The following STAU2 variants were observed in gnomAD, a reference collection of about 807,000 sequenced individuals.
The protein encoded by STAU2 is staufen double-stranded RNA binding protein 2, also known as double-stranded RNA-binding protein Staufen homolog 2.
In STAU2, 20 loss-of-function variants were observed where a neutral mutation model predicts 65.9. The ratio of observed to expected loss-of-function variants is 0.30; its 90% CI spans 0.21 to 0.44. STAU2 has a LOEUF of 0.44. STAU2 is among the 20% of genes least tolerant of loss of function. STAU2 has a pLI of 1.00. For synonymous variants in STAU2, 232 were observed against 233.9 expected (o/e 0.99, Z 0.07); for missense variants, 558 against 683.9 (o/e 0.82, Z 2.05).
At chr8:73,626,074 TACACAC>T (rs57076627) in intron 6 of STAU2, among the ~76,000 whole-genome samples, 18 of 146,152 alleles carry the variant, frequency 1.2e-4, no homozygotes, top group East Asian at 4.0e-4. Context: ...TAAGTACACA[TACACAC>T]ACACACACAC....
chr8:73,693,027 G>C lies in STAU2; in HGVS notation c.115-4214C>G, dbSNP rs560689165. Among the ~76,000 whole-genome samples, 14 of 152,076 alleles carry C rather than the reference G, an allele frequency of 9.2e-5. No homozygotes were observed. In the East Asian group the frequency reaches 2.3e-3, roughly 25 times the overall value. On this transcript the variant is annotated intron_variant, in intron 4 of 14. Coordinates refer to ENST00000524300, the MANE Select transcript of STAU2 (RefSeq NM_001164380.2). ...ATGTAAAAAATTATCCAGGCATGGTGGTGCGCACCTATAGTCCCAGCTACT... is the reference window on the plus strand; with the variant it reads ...ATGTAAAAAATTATCCAGGCATGGTCGTGCGCACCTATAGTCCCAGCTACT...
At chr8:73,727,755 T>C (rs1423165195) in intron 3 of STAU2, 1 of 152,264 alleles carries the variant, frequency 6.6e-6, no homozygotes, top group Admixed American at 6.5e-5. Context: ...CTGGGTCATA[T>C]GACAAGTCTA....
At chr8:73,601,718 T>G (rs1811642213) in intron 10 of STAU2, among the ~76,000 whole-genome samples, 2 of 152,172 alleles carry the variant, frequency 1.3e-5, no homozygotes, top group South Asian at 4.1e-4. Flanking sequence ...CCCATTTGAC[T>G]AGAATGTTTA....
At chr8:73,432,932 C>G (rs1340908550) in intron 13 of STAU2, among the ~76,000 whole-genome samples, 1 of 152,178 alleles carries the variant, frequency 6.6e-6, no homozygotes, top group African/African-American at 2.4e-5. Context: ...GGTGTTTTCA[C>G]TCTAGAATTT....
chr8:73,531,261 T>C (rs1277843070), intron 13 of STAU2, among the ~76,000 whole-genome samples: 1 of 152,172 alleles, frequency 6.6e-6, no homozygotes, highest in Admixed American at 6.5e-5. Flanking sequence ...CACTGATGCA[T>C]TAGATTTTTA....
intron 13 of STAU2, among the ~76,000 whole-genome samples, chr8:73,502,331 CT>C (rs1328595115): frequency 1.3e-5 from 2 of 151,938 alleles, no homozygotes; most frequent in Non-Finnish European, 2.9e-5. Context: ...GATACATGTC[CT>C]ATACCAGTGC....
At chr8:73,421,614 C>T in intron 14 of STAU2, 149 bp from the exon 15 acceptor site, 1 of 692,838 alleles carries the variant, frequency 1.4e-6, no homozygotes, top group South Asian at 1.9e-5. Context: ...AGATAGTCTA[C>T]TGATGAGATC....
intron 13 of STAU2, among the ~76,000 whole-genome samples, chr8:73,515,773 C>CTTT (rs75132374): frequency 0.019 from 1,764 of 90,900 alleles, 198 homozygotes; most frequent in African/African-American, 0.057. Flanking sequence ...AAAAATTTCT[C>CTTT]TTTTTTTTTT....
At chr8:73,573,256 CACAA>C (rs1431973501) in intron 12 of STAU2, among the ~76,000 whole-genome samples, 1 of 152,124 alleles carries the variant, frequency 6.6e-6, no homozygotes, top group African/African-American at 2.4e-5. Flanking sequence ...TAAAAGAGGA[CACAA>C]ACAAATGGAA....
intron 12 of STAU2, among the ~76,000 whole-genome samples, chr8:73,571,007 C>A (rs1809039126): frequency 6.6e-6 from 1 of 152,006 alleles, no homozygotes; most frequent in African/African-American, 2.4e-5. Context: ...ACCCATCTCA[C>A]ATGCAGAGAC....
At chr8:73,638,498 TTC>T (rs1491562624) in intron 6 of STAU2, among the ~76,000 whole-genome samples, 8 of 141,206 alleles carry the variant, frequency 5.7e-5, no homozygotes, top group Non-Finnish European at 3.1e-5. Flanking sequence ...ATTTGAAATA[TTC>T]TTTTTTTTTT....
intron 9 of STAU2, among the ~76,000 whole-genome samples, chr8:73,607,785 T>C (rs1023825682): frequency 6.6e-6 from 1 of 152,038 alleles, no homozygotes; most frequent in Non-Finnish European, 1.5e-5. Context: ...ATTATCTTTC[T>C]GCATATGAAC....
At chr8:73,433,657 T>C (rs1029137129) in intron 13 of STAU2, among the ~76,000 whole-genome samples, 7 of 151,670 alleles carry the variant, frequency 4.6e-5, no homozygotes, top group African/African-American at 1.7e-4. Flanking sequence ...TGCATCACTA[T>C]GCCTGAGAAA....
chr8:73,635,409 A>T (rs1814415183), intron 6 of STAU2, among the ~76,000 whole-genome samples: 1 of 152,212 alleles, frequency 6.6e-6, no homozygotes, highest in Non-Finnish European at 1.5e-5. Flanking sequence ...ATTTGAAGGC[A>T]AGCCCATCTA....
At chr8:73,747,397 C>T (rs1563546415), upstream of STAU2, 2 of 1,535,420 alleles carry the variant, frequency 1.3e-6, no homozygotes, top group Non-Finnish European at 1.7e-6. Flanking sequence ...CTTTCCCAGG[C>T]TCTCCGGCTG....
intron 13 of STAU2, among the ~76,000 whole-genome samples, chr8:73,480,009 C>T (rs1048256760): frequency 1.3e-5 from 2 of 151,944 alleles, no homozygotes; most frequent in African/African-American, 4.8e-5. Flanking sequence ...GACATAGATG[C>T]TAGCAAAGTT....
At chr8:73,479,866 G>A (rs1464017669) in intron 13 of STAU2, among the ~76,000 whole-genome samples, 1 of 151,504 alleles carries the variant, frequency 6.6e-6, no homozygotes, top group Non-Finnish European at 1.5e-5. Flanking sequence ...AAAATGAATC[G>A]CTTCAGGAAA....
At chr8:73,661,560 A>C (rs1816836462) in intron 6 of STAU2, among the ~76,000 whole-genome samples, 1 of 152,196 alleles carries the variant, frequency 6.6e-6, no homozygotes, top group Non-Finnish European at 1.5e-5. Flanking sequence ...AATACAGAAC[A>C]TTTCTATCAC....
chr8:73,622,434 A>C (rs535329981), intron 6 of STAU2, among the ~76,000 whole-genome samples: 2 of 151,968 alleles, frequency 1.3e-5, no homozygotes, highest in Non-Finnish European at 2.9e-5. Flanking sequence ...CAGGTCTTTC[A>C]TATCTCTTTT....
Sources: gnomAD v4.1 joint callset for allele counts (sites outside exome capture counted in the v4.1 genomes callset) on GRCh38, gnomAD v4.1.1 for gene constraint, MANE v1.5 for transcripts, NCBI Gene and HGNC (gene_info 2026-07-23, HGNC 2026-07-21) for gene names.